Variants in MEGF6 observed in about 807,000 individuals in gnomAD.
MEGF6 encodes multiple EGF like domains 6.
A neutral mutation model predicts 207.1 loss-of-function variants in MEGF6; 184 were observed. The ratio of observed to expected loss-of-function variants is 0.89; its 90% confidence interval spans 0.79 to 1.00. The LOEUF is 1.00. Among genes scored for constraint, MEGF6 ranks in the 50% least tolerant of loss-of-function variants. The pLI is 0.00. For missense variants in MEGF6, 2,282 were observed against 2,202.9 expected (o/e 1.04, Z -0.72); for synonymous variants, 1,038 against 910.0 (o/e 1.14, Z -2.53).
intron 4 of MEGF6, among the ~76,000 whole-genome samples, chr1:3,558,654 A>C (rs1643104232): frequency 6.6e-6 from 1 of 152,346 alleles, no homozygotes; most frequent in Non-Finnish European, 1.5e-5. Flanking sequence ...CACAGAAACC[A>C]GAACTGCGTT....
chr1:3,589,708 C>T (rs942479351), intron 3 of MEGF6, among the ~76,000 whole-genome samples: 10 of 152,208 alleles, frequency 6.6e-5, no homozygotes, highest in South Asian at 4.1e-4. Flanking sequence ...TCCTGAGCAC[C>T]GTGGCTGGGC....
Position 3,492,628 on chromosome 1 carries a change from G to T in MEGF6, c.4516+11C>A. On this transcript the variant is annotated intron_variant, in intron 35 of 36. Coordinates refer to ENST00000356575, the MANE Select transcript of MEGF6 (RefSeq NM_001409.4). ...GTGCCTTCCCGCCCTTCCCCAGGAA[G>T]CCCAGCTCACCTTCCCGGCACGTGG... 6.2e-7 allele frequency: 1 copy of T among 1,603,142 alleles called. No individual in the cohort carries two copies. The highest frequency in any genetic ancestry group is 1.1e-5 in the South Asian group (1 of 90,854).
intron 14 of MEGF6, among the ~76,000 whole-genome samples, chr1:3,507,068 C>G (rs888848335): frequency 6.6e-6 from 1 of 152,140 alleles, no homozygotes. Context: ...AAGGGAGGCA[C>G]ACTGACAGGG....
chr1:3,563,710 G>A (rs1183072371), intron 4 of MEGF6, among the ~76,000 whole-genome samples: 1 of 152,244 alleles, frequency 6.6e-6, no homozygotes, highest in Non-Finnish European at 1.5e-5. Flanking sequence ...GAGAGACGAG[G>A]CTGATGTTCA....
chr1:3,514,704 G>C (rs754983329), intron 6 of MEGF6, 32 bp from the exon 7 acceptor site: 2 of 1,542,000 alleles, frequency 1.3e-6, no homozygotes, highest in South Asian at 2.4e-5. Flanking sequence ...GGGGGTTGGG[G>C]AGAGGGGACC....
At chr1:3,613,268 C>T (rs1570264712), upstream of MEGF6, among the ~76,000 whole-genome samples, 1 of 152,158 alleles carries the variant, frequency 6.6e-6, no homozygotes, top group East Asian at 1.9e-4. Context: ...GGTTTGGGGG[C>T]TACTTTCCTC....
chr1:3,500,637 C>A lies in MEGF6; in HGVS notation c.2703G>T (p.Glu901Asp). 1.9e-6 allele frequency: 3 copies of A among 1,556,300 alleles called. No individual in the cohort carries two copies. Among genetic ancestry groups the A allele is most frequent in the Non-Finnish European group, 2.6e-6 (3 of 1,150,412 alleles). The change falls in exon 21 of 37, where the codon GAG (glutamate) becomes GAT (aspartate). Residue 901 changes from glutamate to aspartate, a missense_variant. By Grantham distance (45) the Glu-to-Asp change is conservative. Coordinates refer to ENST00000356575, the MANE Select transcript of MEGF6 (RefSeq NM_001409.4). The stretch of plus-strand genomic sequence containing the variant: ...AAAGGCAGGGCCGGGACTCACGCTG[C>A]TCGCACCGCGGGCCCACGTAGCCAG... ...CEAGYVGPRC[E>D]QQCPQGHFGP...
In MEGF6 at chr1:3,499,165, CA is replaced by C. The variant is rs766665209; in HGVS notation, c.3066del (p.Gly1023AlafsTer251). 7 of 1,604,384 alleles carry C rather than the reference CA, an allele frequency of 4.4e-6. No individual in the cohort carries two copies. Among genetic ancestry groups the C allele is most frequent in the Non-Finnish European group, 5.9e-6 (7 of 1,176,832 alleles). ...TGCAGGCAGGAGGGCCCCATCCAGC[CA>C]GGGGCACAGTGGCACTGCCCGTGGA... ...DPVHGQCHCA[P>X]GWMGPSCLQA... On this transcript the variant is annotated frameshift_variant, in exon 24 of 37. Coordinates refer to ENST00000356575, the MANE Select transcript of MEGF6 (RefSeq NM_001409.4). LOFTEE classifies it high-confidence loss of function.
At chr1:3,510,990 A>G in intron 9 of MEGF6, 88 bp from the exon 10 acceptor site, 1 of 1,508,154 alleles carries the variant, frequency 6.6e-7, no homozygotes. Context: ...ACGACCACAC[A>G]CAACCCACGC....
chr1:3,615,329 CT>C (rs1644368960), upstream of MEGF6, among the ~76,000 whole-genome samples: 1 of 152,226 alleles, frequency 6.6e-6, no homozygotes, highest in South Asian at 2.1e-4. Context: ...GCACTGCCCC[CT>C]GGTGCAGAGC....
intron 2 of MEGF6, 90 bp from the exon 3 acceptor site, chr1:3,595,537 T>C: frequency 8.7e-7 from 1 of 1,146,396 alleles, no homozygotes; most frequent in Non-Finnish European, 1.3e-6. Context: ...TGACTCTGCG[T>C]CAGCCGGGTT....
rs1275466219 is a variant in MEGF6 at position 3,504,643 on chromosome 1, TC to T, written c.2188+564del. ...AATACCTAAGCATGGACTCCGCTGG[TC>T]CATCTCTCAGCCAGCTCCTAACAGC... On this transcript the variant is annotated intron_variant, in intron 17 of 36. Coordinates refer to ENST00000356575, the MANE Select transcript of MEGF6 (RefSeq NM_001409.4). 5.9e-5 allele frequency among the ~76,000 whole-genome samples: 9 copies of T among 152,122 alleles called. No homozygotes were observed. The East Asian group carries it at 1.6e-3, about 26-fold the overall frequency.
chr1:3,492,566 C>A (rs1031193665), intron 35 of MEGF6, 73 bp downstream of exon 35: 3 of 1,581,864 alleles, frequency 1.9e-6, no homozygotes, highest in Non-Finnish European at 2.6e-6. Context: ...AGAGAGGGAT[C>A]CTCTGCCAGG....
At chr1:3,491,046 C>A (rs1205936048) in intron 35 of MEGF6, 87 bp from the exon 36 acceptor site, 2 of 1,252,840 alleles carry the variant, frequency 1.6e-6, no homozygotes, top group Non-Finnish European at 2.2e-6. Flanking sequence ...CCCATCCAGG[C>A]CTTCAGGGAC....
intron 4 of MEGF6, among the ~76,000 whole-genome samples, chr1:3,559,189 G>A (rs920634568): frequency 6.6e-6 from 1 of 152,192 alleles, no homozygotes; most frequent in Non-Finnish European, 1.5e-5. Context: ...CCTCTGCAGT[G>A]CACTAAGGCC....
At chr1:3,610,374 G>A (rs1039620349) in intron 1 of MEGF6, among the ~76,000 whole-genome samples, 3 of 152,312 alleles carry the variant, frequency 2.0e-5, no homozygotes, top group Admixed American at 2.0e-4. Flanking sequence ...CCCTGGACGG[G>A]GAGGCTGTCA....
chr1:3,523,132 G>A (rs531920945), intron 5 of MEGF6, among the ~76,000 whole-genome samples: 1 of 152,146 alleles, frequency 6.6e-6, no homozygotes, highest in Non-Finnish European at 1.5e-5. Context: ...AGGACCGGGA[G>A]GGAGGCTGCT....
rs371051035 is a variant in MEGF6 at position 3,580,302 on chromosome 1, C to T, written c.377-373G>A. Among the ~76,000 whole-genome samples the T allele has an allele frequency of 3.1e-3, 464 of 151,926 alleles. 1 individual carries two copies. The highest frequency in any genetic ancestry group is 0.011 in the African/African-American group (445 of 41,428). On this transcript the variant is annotated intron_variant, in intron 3 of 36. Coordinates refer to ENST00000356575, the MANE Select transcript of MEGF6 (RefSeq NM_001409.4). Reference sequence around the variant, plus strand: ...GAGGGGTGGGCTGCCCAGTGGTCAGCGCTGCACAGCTGCAAGGGCCGGCTG... The same window carrying T: ...GAGGGGTGGGCTGCCCAGTGGTCAGTGCTGCACAGCTGCAAGGGCCGGCTG...
chr1:3,531,731 A>G (rs907165843), intron 4 of MEGF6, among the ~76,000 whole-genome samples: 3 of 151,930 alleles, frequency 2.0e-5, no homozygotes, highest in Non-Finnish European at 4.4e-5. Context: ...ACAGGCACAC[A>G]CATGCACAAA....
Sources: allele counts gnomAD v4.1 joint callset (sites outside exome capture counted in the v4.1 genomes callset), GRCh38; gene constraint gnomAD v4.1.1; transcripts MANE v1.5; gene names NCBI Gene and HGNC (gene_info 2026-07-23, HGNC 2026-07-21).